Variants in ZNF729 observed in about 807,000 individuals in gnomAD.
The protein encoded by ZNF729 is zinc finger protein 729.
A neutral mutation model predicts 12.2 loss-of-function variants in ZNF729; 15 were observed. The observed-to-expected ratio is 1.23, with a 90% CI of 0.82 to 1.89. The LOEUF is 1.89. Among genes scored for constraint, ZNF729 ranks in the 40% most tolerant of loss-of-function variants. ZNF729 has a pLI of 0.00. For synonymous variants in ZNF729, 492 were observed against 476.3 expected (o/e 1.03, Z -0.43); for missense variants, 1,540 against 1,456.7 (o/e 1.06, Z -0.93).
rs1001979167 is a variant in ZNF729 at position 22,314,055 on chromosome 19, G to C, written c.638G>C (p.Arg213Pro). ...IRQNIYKCEE[R>P]GKAFKSFSTL... ...CAGAATATCTACAAATGTGAAGAAC[G>C]TGGCAAAGCCTTTAAATCGTTCTCA... Residue 213 changes from arginine (R) to proline (P), a missense_variant, in exon 4 of 4, where the codon CGT (arginine) becomes CCT (proline). Physicochemically the swap from Arg to Pro is moderately radical, Grantham distance 103. Transcript: ENST00000601693. 3 of 1,542,694 alleles carry C rather than the reference G, an allele frequency of 1.9e-6. No homozygotes were observed. The highest frequency in any genetic ancestry group is 2.0e-5 in the Admixed American group (1 of 49,812).
chr19:22,308,092 A>G (rs748992578), intron 3 of ZNF729, among the ~76,000 whole-genome samples: 10 of 152,208 alleles, frequency 6.6e-5, no homozygotes, highest in Middle Eastern at 3.4e-3. Flanking sequence ...CTTAGCTCCT[A>G]CATATCAGTG....
intron 1 of ZNF729, among the ~76,000 whole-genome samples, chr19:22,298,661 C>A (rs571474631): frequency 6.6e-6 from 1 of 152,076 alleles, no homozygotes; most frequent in South Asian, 2.1e-4. Context: ...TTACAGACAC[C>A]CACCACCATG....
At chr19:22,292,481 C>G (rs973239526) in intron 1 of ZNF729, among the ~76,000 whole-genome samples, 1 of 152,050 alleles carries the variant, frequency 6.6e-6, no homozygotes, top group African/African-American at 2.4e-5. Flanking sequence ...CTCTGTCACC[C>G]AGGCTGGAGT....
chr19:22,312,477 T>TGTGTGTGTGTG (rs1491132977), intron 3 of ZNF729, among the ~76,000 whole-genome samples: 13 of 147,354 alleles, frequency 8.8e-5, no homozygotes, highest in Admixed American at 3.4e-4. Context: ...TGTGTGTGTG[T>TGTGTGTGTGTG]TTAGATAAAG....
At position 22,315,799 on chromosome 19, in the gene ZNF729, A is replaced by G; in HGVS notation, c.2382A>G (p.Lys794=). 1 of 1,610,624 alleles carries G rather than the reference A, an allele frequency of 6.2e-7. No individual in the cohort carries two copies. The highest frequency in any genetic ancestry group is 8.5e-7 in the Non-Finnish European group (1 of 1,179,658). The part of the protein sequence containing the change: ...MKHKVIHTGE[K]PYKCEECGKA... ...ATAAGGTAATTCATACTGGAGAGAA[A>G]CCCTACAAGTGTGAAGAATGTGGTA... The change falls in exon 4 of 4, where the codon AAA becomes AAG. Residue 794 remains lysine (K), a synonymous_variant. Transcript: ENST00000601693.
Position 22,316,645 on chromosome 19 carries a change from C to T in ZNF729, c.3228C>T (p.Cys1076=), listed in dbSNP as rs777466171. The T allele has an allele frequency of 3.7e-6, 6 of 1,612,772 alleles. No homozygotes were observed. Among genetic ancestry groups the T allele is most frequent in the Non-Finnish European group, 4.2e-6 (5 of 1,179,758 alleles). The change falls in exon 4 of 4, where the codon TGC becomes TGT. Residue 1076 remains cysteine (C), a synonymous_variant. Coordinates refer to ENST00000601693, the MANE Select transcript of ZNF729 (RefSeq NM_001242680.2). ...HKVIHTGEKP[C]KCEECDKAFK... ...TAATTCATACTGGAGAGAAACCCTG[C>T]AAATGTGAAGAATGTGACAAAGCTT...
intron 3 of ZNF729, among the ~76,000 whole-genome samples, chr19:22,305,052 A>G (rs1968361803): frequency 6.6e-6 from 1 of 152,238 alleles, no homozygotes; most frequent in African/African-American, 2.4e-5. Flanking sequence ...GGGACTGCAC[A>G]GTCTGACTGC....
rs751519468 is a variant in ZNF729, at chr19:22,313,803, C to A, written c.386C>A (p.Ala129Asp). The A allele has an allele frequency of 3.1e-6, 5 of 1,596,094 alleles. No individual in the cohort carries two copies. The highest frequency in any genetic ancestry group is 2.7e-5 in the African/African-American group (2 of 74,630). The change falls in exon 4 of 4, where the codon GCC becomes GAC. Residue 129 changes from alanine to aspartate, a missense_variant. Physicochemically the swap from Ala to Asp is moderately radical, Grantham distance 126. Transcript: ENST00000601693. ...CGATTAAGAAAAGATTGTAAAAGTG[C>A]CAATGAGGGTAAGATGCACAAAGAA... is the stretch of plus-strand genomic sequence containing the variant. ...NLRLRKDCKSANEGKMHKEGY... is the reference protein window; with the variant it reads ...NLRLRKDCKSDNEGKMHKEGY...
Position 22,314,802 on chromosome 19 carries a change from G to A in ZNF729, c.1385G>A (p.Cys462Tyr). ...CATACTGGGGAGAAACCATACAAAT[G>A]TGAAGAATGTGGCAAAGCTTTTAGG... is the stretch of plus-strand genomic sequence containing the variant. ...IIHTGEKPYK[C>Y]EECGKAFRQS... is the part of the protein sequence containing the mutation. The change falls in exon 4 of 4, where the codon TGT becomes TAT. Residue 462 changes from cysteine to tyrosine, a missense_variant. By Grantham distance (194) the Cys-to-Tyr change is radical. Coordinates refer to ENST00000601693, the MANE Select transcript of ZNF729 (RefSeq NM_001242680.2). 6.2e-7 allele frequency: 1 copy of A among 1,613,722 alleles called. No individual in the cohort carries two copies. Among genetic ancestry groups the A allele is most frequent in the Non-Finnish European group, 8.5e-7 (1 of 1,179,880 alleles).
chr19:22,312,046 C>G (rs1968456308), intron 3 of ZNF729, among the ~76,000 whole-genome samples: 1 of 151,862 alleles, frequency 6.6e-6, no homozygotes. Flanking sequence ...TTGTGGGGTT[C>G]TCTGGCTTAG....
chr19:22,316,323 G>A lies in ZNF729; in HGVS notation c.2906G>A (p.Cys969Tyr), dbSNP rs765371555. 7 of 1,613,712 alleles carry A rather than the reference G, an allele frequency of 4.3e-6. No individual in the cohort carries two copies. The highest frequency in any genetic ancestry group is 4.5e-5 in the East Asian group (2 of 44,844). ...AAGAAACCATACAAATGTGCAGAAT[G>A]TGGCAAAGCTTTTAAGCAATCCTCA... ...TGKKPYKCAE[C>Y]GKAFKQSSHL... The change falls in exon 4 of 4, where the codon TGT becomes TAT. Residue 969 changes from cysteine to tyrosine, a missense_variant. Cys to Tyr is a radical substitution (Grantham distance 194). Coordinates refer to ENST00000601693, the MANE Select transcript of ZNF729 (RefSeq NM_001242680.2).
chr19:22,303,200 C>T (rs953786067), intron 1 of ZNF729, among the ~76,000 whole-genome samples: 1 of 152,116 alleles, frequency 6.6e-6, no homozygotes, highest in African/African-American at 2.4e-5. Context: ...TCTTTGTTTA[C>T]AGGCCAGAAA....
chr19:22,303,647 A>G (rs980430863), intron 1 of ZNF729, 111 bp from the exon 2 acceptor site: 15 of 1,041,370 alleles, frequency 1.4e-5, no homozygotes, highest in African/African-American at 1.4e-4. Flanking sequence ...GGTCATCCCT[A>G]TAAGTTAGAA....
chr19:22,288,311 GTT>G (rs79658308), intron 1 of ZNF729, among the ~76,000 whole-genome samples: 9 of 124,866 alleles, frequency 7.2e-5, no homozygotes, highest in African/African-American at 8.5e-5. Flanking sequence ...TCTTTGTACT[GTT>G]TTTTTTTTTT....
In ZNF729 at chr19:22,314,190, A is replaced by G; in HGVS notation, c.773A>G (p.His258Arg). The change falls in exon 4 of 4, where the codon CAT (histidine) becomes CGT (arginine). Residue 258 changes from histidine to arginine, a missense_variant. Physicochemically the swap from His to Arg is conservative, Grantham distance 29 (BLOSUM62 0). Coordinates refer to ENST00000601693, the MANE Select transcript of ZNF729 (RefSeq NM_001242680.2). Reference protein sequence around the residue: ...SSTFTKHKRIHTGETPFRCEE... With the variant: ...SSTFTKHKRIRTGETPFRCEE... ...ACGTTCACTAAACATAAGAGAATTCATACTGGAGAGACACCTTTCAGATGT... is the reference window on the plus strand; with the variant it reads ...ACGTTCACTAAACATAAGAGAATTCGTACTGGAGAGACACCTTTCAGATGT... 1 of 1,592,828 alleles carries G rather than the reference A, an allele frequency of 6.3e-7. No individual in the cohort carries two copies. The highest frequency in any genetic ancestry group is 8.5e-7 in the Non-Finnish European group (1 of 1,170,142).
chr19:22,287,359 C>T (rs1282085321), intron 1 of ZNF729, among the ~76,000 whole-genome samples: 3 of 151,826 alleles, frequency 2.0e-5, no homozygotes, highest in African/African-American at 4.8e-5. Flanking sequence ...CTCCGCCTCC[C>T]GGGTTCAAGC....
At chr19:22,287,558 C>T (rs1968096089) in intron 1 of ZNF729, among the ~76,000 whole-genome samples, 1 of 151,996 alleles carries the variant, frequency 6.6e-6, no homozygotes, top group Admixed American at 6.6e-5. Context: ...TGAGCCGCTG[C>T]GCTCGGCCGA....
intron 3 of ZNF729, among the ~76,000 whole-genome samples, chr19:22,308,323 G>T (rs982603316): frequency 1.1e-4 from 16 of 152,232 alleles, no homozygotes; most frequent in African/African-American, 3.6e-4. Context: ...GAATCATGCT[G>T]CTATAAACAT....
At chr19:22,288,726 A>C (rs1405141630) in intron 1 of ZNF729, among the ~76,000 whole-genome samples, 2 of 151,390 alleles carry the variant, frequency 1.3e-5, no homozygotes, top group Non-Finnish European at 2.9e-5. Flanking sequence ...TCAGCCAATC[A>C]GTTGCTGGTA....
Sources: gnomAD v4.1 joint callset for allele counts (sites outside exome capture counted in the v4.1 genomes callset) on GRCh38, gnomAD v4.1.1 for gene constraint, MANE v1.5 for transcripts, NCBI Gene and HGNC (gene_info 2026-07-23, HGNC 2026-07-21) for gene names.